Variants in IFT43 observed in about 807,000 individuals in gnomAD.
The protein encoded by IFT43 is intraflagellar transport 43.
Under a neutral mutation model 32.3 loss-of-function variants are expected in IFT43, and 33 were observed. The observed-to-expected ratio is 1.02, with a 90% CI of 0.77 to 1.37. The LOEUF (loss-of-function observed/expected upper bound fraction) is 1.37. Ranked by LOEUF, IFT43 falls within the 40% of genes most tolerant of loss-of-function variation. The probability of loss-of-function intolerance (pLI) is 0.00; values close to 1 mark genes in which losing one functional copy is unlikely to be tolerated. For missense variants in IFT43, 274 were observed against 265.9 expected, an observed-to-expected ratio of 1.03 and a Z score of -0.21; for synonymous variants, 93 against 98.2, an observed-to-expected ratio of 0.95 and a Z score of 0.31.
At chr14:76,071,511 C>T (rs2037319792) in intron 5 of IFT43, among the ~76,000 whole-genome samples, 3 of 152,096 alleles carry the variant, frequency 2.0e-5, no homozygotes, top group Admixed American at 2.0e-4. Flanking sequence ...GTTTGCCAAG[C>T]CTGTGGTGTA....
chr14:76,058,669 A>G lies in IFT43; in HGVS notation c.243A>G (p.Ile81Met), dbSNP rs1566729403. Reference sequence around the variant, plus strand: ...TTAGGAGGAAGGCTTCTGAAGAAATAGAAGAGTACGTTTCCAGTATTCTTA... The same window carrying G: ...TTAGGAGGAAGGCTTCTGAAGAAATGGAAGAGTACGTTTCCAGTATTCTTA... ...SKFRRKASEE[I>M]EDFRLRPQSL... The change falls in exon 4 of 9, where the codon ATA (isoleucine) becomes ATG (methionine). Residue 81 changes from isoleucine (I) to methionine (M), a missense_variant. Ile to Met is a conservative substitution (Grantham distance 10). Transcript: ENST00000314067. The G allele has an allele frequency of 6.2e-7, 1 of 1,612,368 alleles. No homozygotes were observed. Among genetic ancestry groups the G allele is most frequent in the Non-Finnish European group, 8.5e-7 (1 of 1,179,700 alleles).
chr14:76,061,233 AT>A (rs2037129462), intron 5 of IFT43, among the ~76,000 whole-genome samples: 1 of 152,124 alleles, frequency 6.6e-6, no homozygotes, highest in African/African-American at 2.4e-5. Context: ...GTTCCCCTGT[AT>A]GTAATGTATC....
intron 2 of IFT43, among the ~76,000 whole-genome samples, chr14:76,021,597 T>C (rs1210767381): frequency 1.3e-5 from 2 of 152,226 alleles, no homozygotes; most frequent in African/African-American, 4.8e-5. Flanking sequence ...CTTTTTGTTA[T>C]TTGCATAGTA....
intron 2 of IFT43, among the ~76,000 whole-genome samples, chr14:76,003,523 G>C (rs1182735822): frequency 6.6e-6 from 1 of 151,832 alleles, no homozygotes; most frequent in African/African-American, 2.4e-5. Context: ...CTACTTGGGA[G>C]GCTGAGGCAG....
chr14:76,051,781 C>T (rs149181818), intron 3 of IFT43, among the ~76,000 whole-genome samples: 183 of 152,288 alleles, frequency 1.2e-3, no homozygotes, highest in African/African-American at 4.3e-3. Flanking sequence ...TTGGCATCAA[C>T]GTAGTTGGTA....
chr14:76,044,991 T>C (rs2036777964), intron 3 of IFT43, among the ~76,000 whole-genome samples: 1 of 152,230 alleles, frequency 6.6e-6, no homozygotes, highest in African/African-American at 2.4e-5. Context: ...ATTGACTATG[T>C]TACTAGTGAG....
At position 76,083,278 on chromosome 14, in the gene IFT43, G is replaced by A. The variant is rs765983098; in HGVS notation, c.496G>A (p.Glu166Lys). 5.6e-6 allele frequency: 9 copies of A among 1,613,460 alleles called. No homozygotes were observed. Among genetic ancestry groups the A allele is most frequent in the South Asian group, 4.4e-5 (4 of 91,068 alleles). Residue 166 changes from glutamate (E) to lysine (K), a missense_variant, in exon 8 of 9, where the codon GAA becomes AAA. Coordinates refer to ENST00000314067, the MANE Select transcript of IFT43 (RefSeq NM_001102564.3). ...LLTKVLAPEH[E>K]VREDDVGWDW... ...CACCAAAGTGCTCGCGCCGGAGCAC[G>A]AAGTCCGGGAGGTACAGTGGTGGCA...
At chr14:76,000,965 T>A (rs1483854549) in intron 2 of IFT43, among the ~76,000 whole-genome samples, 1 of 152,144 alleles carries the variant, frequency 6.6e-6, no homozygotes, top group Non-Finnish European at 1.5e-5. Flanking sequence ...GTATGGAGCT[T>A]AAGAGAGAAA....
chr14:75,994,856 C>G (rs1347515279), intron 2 of IFT43, among the ~76,000 whole-genome samples: 2 of 152,206 alleles, frequency 1.3e-5, no homozygotes, highest in African/African-American at 4.8e-5. Context: ...TCACAGAACT[C>G]TTTTAAGGAC....
chr14:76,070,888 C>T (rs911329347), intron 5 of IFT43, among the ~76,000 whole-genome samples: 43 of 152,190 alleles, frequency 2.8e-4, no homozygotes, highest in African/African-American at 9.7e-4. Flanking sequence ...GTGTTTCCTA[C>T]ACAGCCTGTA....
chr14:76,036,440 C>G (rs1205309792), intron 3 of IFT43, among the ~76,000 whole-genome samples: 2 of 130,782 alleles, frequency 1.5e-5, no homozygotes, highest in South Asian at 2.5e-4. Context: ...GAGTCTCACT[C>G]TCTTGCCCAG....
intron 2 of IFT43, among the ~76,000 whole-genome samples, chr14:76,015,178 A>G (rs976223869): frequency 6.6e-6 from 1 of 152,168 alleles, no homozygotes; most frequent in Non-Finnish European, 1.5e-5. Context: ...CAGACAGGGT[A>G]TTTGTGTGTG....
intron 5 of IFT43, among the ~76,000 whole-genome samples, chr14:76,079,343 CATAAGAATGGTT>C (rs1177056053): frequency 1.3e-5 from 2 of 152,148 alleles, no homozygotes; most frequent in African/African-American, 4.8e-5. Context: ...CGGTGAAGTC[CATAAGAATGGTT>C]ATTGAATATT....
chr14:76,056,990 C>A (rs1220210614), intron 3 of IFT43, among the ~76,000 whole-genome samples: 1 of 152,232 alleles, frequency 6.6e-6, no homozygotes, highest in East Asian at 1.9e-4. Flanking sequence ...CTCCTTCTGC[C>A]CTCATAACCT....
At chr14:76,062,089 T>TG (rs111942838) in intron 5 of IFT43, among the ~76,000 whole-genome samples, 479 of 130,600 alleles carry the variant, frequency 3.7e-3, no homozygotes, top group Non-Finnish European at 5.0e-3. Context: ...TTTTTTTTTT[T>TG]AAACAGAGTC....
At chr14:76,030,064 T>C (rs565291143) in intron 3 of IFT43, among the ~76,000 whole-genome samples, 101 of 151,792 alleles carry the variant, frequency 6.7e-4, no homozygotes, top group African/African-American at 2.4e-3. Flanking sequence ...TAAATTCTTA[T>C]TTTTGTAGAG....
chr14:76,034,021 T>C (rs116626986), intron 3 of IFT43, among the ~76,000 whole-genome samples: 100 of 152,160 alleles, frequency 6.6e-4, no homozygotes, highest in African/African-American at 2.3e-3. Context: ...GTTGTGAGAG[T>C]GATAGTAACT....
chr14:76,067,528 C>T (rs994952526), intron 5 of IFT43, among the ~76,000 whole-genome samples: 17 of 151,566 alleles, frequency 1.1e-4, no homozygotes, highest in African/African-American at 4.1e-4. Flanking sequence ...CAAGATCGCA[C>T]TACCGCACTC....
At chr14:75,997,473 C>T (rs2035769313) in intron 2 of IFT43, among the ~76,000 whole-genome samples, 1 of 152,244 alleles carries the variant, frequency 6.6e-6, no homozygotes, top group South Asian at 2.1e-4. Context: ...ACTGTACCTT[C>T]CTCTGTGCAT....
Sources: allele counts gnomAD v4.1 joint callset (sites outside exome capture counted in the v4.1 genomes callset), GRCh38; gene constraint gnomAD v4.1.1; transcripts MANE v1.5; gene names NCBI Gene and HGNC (gene_info 2026-07-23, HGNC 2026-07-21).